The following KLF9 variants were observed in gnomAD, a reference collection of about 807,000 sequenced individuals.
KLF9 encodes KLF transcription factor 9, also known as Krueppel-like factor 9.
In KLF9, 2 loss-of-function variants were observed where a neutral mutation model predicts 17.3. The ratio of observed to expected loss-of-function variants is 0.12; its 90% CI spans 0.05 to 0.36. The LOEUF (loss-of-function observed/expected upper bound fraction) is 0.36. Among genes scored for constraint, KLF9 ranks in the 10% least tolerant of loss-of-function variants. KLF9 has a pLI of 1.00. For synonymous variants in KLF9, 138 were observed against 139.2 expected, an observed-to-expected ratio of 0.99 and a Z score of 0.06; for missense variants, 226 against 333.2, an observed-to-expected ratio of 0.68 and a Z score of 2.51.
intron 1 of KLF9, among the ~76,000 whole-genome samples, chr9:70,407,755 G>A (rs908486728): frequency 6.6e-6 from 1 of 152,144 alleles, no homozygotes; most frequent in Non-Finnish European, 1.5e-5. Flanking sequence ...GAACAGTCTG[G>A]GCATCTTTCA....
At chr9:70,398,579 C>T (rs2037199025) in intron 1 of KLF9, among the ~76,000 whole-genome samples, 1 of 151,570 alleles carries the variant, frequency 6.6e-6, no homozygotes, top group Admixed American at 6.6e-5. Flanking sequence ...ACCTCTGCCT[C>T]CCGGGTTCAA....
rs2037124479 is a variant in KLF9, at chr9:70,387,796, C to A, written c.715G>T (p.Ala239Ser). 5 of 1,614,040 alleles carry A rather than the reference C, an allele frequency of 3.1e-6. No individual in the cohort carries two copies. Among genetic ancestry groups the A allele is most frequent in the Non-Finnish European group, 4.2e-6 (5 of 1,180,000 alleles). Residue 239 changes from alanine to serine, a missense_variant, in exon 2 of 2, where the codon GCG becomes TCG. Coordinates refer to ENST00000377126, the MANE Select transcript of KLF9 (RefSeq NM_001206.4). ...HPSMIKRSKK[A>S]LANAL ...GCACCTCACAAAGCGTTGGCCAGCGCCTTTTTCGATCGCTTGATCATGCTG... is the reference window on the plus strand; with the variant it reads ...GCACCTCACAAAGCGTTGGCCAGCGACTTTTTCGATCGCTTGATCATGCTG...
intron 1 of KLF9, among the ~76,000 whole-genome samples, chr9:70,394,636 G>T (rs901824663): frequency 6.6e-6 from 1 of 151,618 alleles, no homozygotes; most frequent in Non-Finnish European, 1.5e-5. Flanking sequence ...TATAAAATAA[G>T]AATTATTTGC....
chr9:70,388,825 T>A lies in KLF9; in HGVS notation c.506-820A>T, dbSNP rs77763521. 1.1e-3 allele frequency among the ~76,000 whole-genome samples: 170 copies of A among 152,284 alleles called. 1 individual carries two copies. The East Asian group carries it at 0.031, about 28-fold the overall frequency. ...CTTCCTGCAAAGGCCATACTTTAAGTCATATTGTCTTAACACTAGAAGTAA... is the reference window on the plus strand; with the variant it reads ...CTTCCTGCAAAGGCCATACTTTAAGACATATTGTCTTAACACTAGAAGTAA... On this transcript the variant is annotated intron_variant, in intron 1 of 1. Transcript: ENST00000377126.
intron 1 of KLF9, among the ~76,000 whole-genome samples, chr9:70,395,410 TA>T (rs2037177251): frequency 6.6e-6 from 1 of 152,224 alleles, no homozygotes; most frequent in East Asian, 1.9e-4. Flanking sequence ...AGAGACTTTC[TA>T]AACATGAAAC....
intron 1 of KLF9, among the ~76,000 whole-genome samples, chr9:70,391,495 C>T (rs2037153038): frequency 6.6e-6 from 1 of 152,118 alleles, no homozygotes; most frequent in African/African-American, 2.4e-5. Flanking sequence ...GAGAGGGACA[C>T]CCACAGAGCC....
chr9:70,409,146 ATATG>A (rs2037288881), intron 1 of KLF9, among the ~76,000 whole-genome samples: 1 of 52,240 alleles, frequency 1.9e-5, no homozygotes, highest in Non-Finnish European at 5.8e-5. Flanking sequence ...ATATATATGT[ATATG>A]TATATATATA....
At chr9:70,406,947 T>C (rs566582029) in intron 1 of KLF9, among the ~76,000 whole-genome samples, 8 of 146,508 alleles carry the variant, frequency 5.5e-5, no homozygotes, top group African/African-American at 2.0e-4. Context: ...GACTAACAAA[T>C]GCGACAAAGC....
chr9:70,403,647 C>T (rs2037239229), intron 1 of KLF9, among the ~76,000 whole-genome samples: 1 of 152,272 alleles, frequency 6.6e-6, no homozygotes, highest in South Asian at 2.1e-4. Flanking sequence ...ATGAGAGCTA[C>T]CCCTAGATGT....
chr9:70,409,143 TGTATATGTATATATATACACATATA>T (rs2037288651), intron 1 of KLF9, among the ~76,000 whole-genome samples: 1 of 54,862 alleles, frequency 1.8e-5, no homozygotes, highest in Admixed American at 3.0e-4. Flanking sequence ...TACATATATA[TGTATATGTATATATATACACATATA>T]TGTATATATA....
chr9:70,397,674 T>C (rs1363135990), intron 1 of KLF9, among the ~76,000 whole-genome samples: 1 of 152,090 alleles, frequency 6.6e-6, no homozygotes, highest in Non-Finnish European at 1.5e-5. Flanking sequence ...GGAGTGTCCT[T>C]GTTAGAAAGC....
rs1173675830 is a variant in KLF9 at position 70,413,105 on chromosome 9, C to G, written c.259G>C (p.Glu87Gln). The G allele has an allele frequency of 6.2e-7, 1 of 1,614,108 alleles. No individual in the cohort carries two copies. The highest frequency in any genetic ancestry group is 1.3e-5 in the African/African-American group (1 of 74,942). ...QTPSVCSDSL[E>Q]SPDEDMGSDS... ...GATCCCATATCCTCATCTGGACTTT[C>G]CAGACTGTCGCTGCACACGGAGGGG... Residue 87 changes from glutamate to glutamine, a missense_variant, in exon 1 of 2, where the codon GAA (glutamate) becomes CAA (glutamine). Glu to Gln is a conservative substitution (Grantham distance 29, BLOSUM62 2). Coordinates refer to ENST00000377126, the MANE Select transcript of KLF9 (RefSeq NM_001206.4). This position sits in a 1 kb window ranked among gnomAD's most constrained non-coding sequence, Gnocchi z 5.6.
In KLF9 at chr9:70,413,587, G is replaced by C. The variant is rs887331592; in HGVS notation, c.-224C>G. 1 of 266,118 alleles carries C rather than the reference G, an allele frequency of 3.8e-6. No individual in the cohort carries two copies. The highest frequency in any genetic ancestry group is 2.3e-5 in the African/African-American group (1 of 43,976). The allele number at this position is 266,118 out of a possible 1,614,324, so 16.5% of individuals were successfully genotyped here. On this transcript the variant is annotated 5_prime_UTR_variant, in exon 1 of 2. Transcript: ENST00000377126. The surrounding 1 kb of genome is among the most constrained non-coding windows in gnomAD (Gnocchi z 5.6). Reference sequence around the variant, plus strand: ...CAGCGCCTCCGCACGCAGCATCCACGGCCCCGGGCTCCGCCGCGCCGCCGC... The same window carrying C: ...CAGCGCCTCCGCACGCAGCATCCACCGCCCCGGGCTCCGCCGCGCCGCCGC...
chr9:70,396,136 A>G (rs1177415108), intron 1 of KLF9, among the ~76,000 whole-genome samples: 2 of 152,214 alleles, frequency 1.3e-5, no homozygotes, highest in Non-Finnish European at 2.9e-5. Context: ...AGGCATGAGG[A>G]AACAGGCCCT....
intron 1 of KLF9, among the ~76,000 whole-genome samples, chr9:70,412,644 T>C (rs957050254): frequency 1.3e-5 from 2 of 152,200 alleles, no homozygotes; most frequent in Non-Finnish European, 2.9e-5. Flanking sequence ...CCCGCCAGTT[T>C]AAGGCTCTCC....
rs530040334 is a variant in KLF9, at chr9:70,406,650, G to GT, written c.505+6208dup. Reference sequence around the variant, plus strand: ...CTTTCCCTTTTTAACCATCTGTGGGGTTTTTTTCTTCGTCTTCCTTTTGCC... The same window carrying GT: ...CTTTCCCTTTTTAACCATCTGTGGGGTTTTTTTTCTTCGTCTTCCTTTTGCC... On this transcript the variant is annotated intron_variant, in intron 1 of 1. Coordinates refer to ENST00000377126, the MANE Select transcript of KLF9 (RefSeq NM_001206.4). Among the ~76,000 whole-genome samples the GT allele has an allele frequency of 2.6e-3, 398 of 152,214 alleles. 1 individual carries two copies. Among genetic ancestry groups the GT allele is most frequent in the African/African-American group, 9.3e-3 (386 of 41,516 alleles).
chr9:70,414,367 TC>T lies in KLF9; in HGVS notation c.-1005del. The T allele has an allele frequency of 6.6e-6, 1 of 152,320 alleles. No individual in the cohort carries two copies. Among genetic ancestry groups the T allele is most frequent in the Admixed American group, 6.5e-5 (1 of 15,292 alleles). The allele number at this position is 152,320 out of a possible 1,614,324, so 9.4% of individuals were successfully genotyped here. The stretch of plus-strand genomic sequence containing the variant: ...CCAGCTCCCAAACAGTTAAGTGACT[TC>T]CTGCAAACGCTACAGTCCCAGCAAC... On this transcript the variant is annotated 5_prime_UTR_variant, in exon 1 of 2. It introduces an in-frame stop codon into an upstream open reading frame of the 5' UTR. Coordinates refer to ENST00000377126, the MANE Select transcript of KLF9 (RefSeq NM_001206.4).
At chr9:70,393,335 A>AT (rs1339171918) in intron 1 of KLF9, among the ~76,000 whole-genome samples, 1 of 152,136 alleles carries the variant, frequency 6.6e-6, no homozygotes, top group East Asian at 1.9e-4. Context: ...AATGAAGCCC[A>AT]TTTTTTTGTG....
chr9:70,389,014 G>A lies in KLF9; in HGVS notation c.506-1009C>T, dbSNP rs561331267. On this transcript the variant is annotated intron_variant, in intron 1 of 1. Transcript: ENST00000377126. ...AAATTAGCTGGGTGTGGTGGCGTGC[G>A]CCTGTAGTCCCAGCTACTTGGGAGG... Among the ~76,000 whole-genome samples, 27 of 152,126 alleles carry A rather than the reference G, an allele frequency of 1.8e-4. No homozygotes were observed. The East Asian group carries it at 3.3e-3, about 19-fold the overall frequency.
Sources: gnomAD v4.1 joint callset for allele counts (sites outside exome capture counted in the v4.1 genomes callset) on GRCh38, gnomAD v4.1.1 for gene constraint, Gnocchi (gnomAD v3.1) non-coding constraint, MANE v1.5 for transcripts, NCBI Gene and HGNC (gene_info 2026-07-23, HGNC 2026-07-21) for gene names.